The following PGD variants were observed in gnomAD, a reference collection of about 807,000 sequenced individuals.
PGD encodes the protein 6-phosphogluconate dehydrogenase, decarboxylating.
A neutral mutation model predicts 60.4 loss-of-function variants in PGD; 21 were observed. The observed-to-expected ratio is 0.35, with a 90% CI of 0.25 to 0.50. The LOEUF is 0.50. PGD is among the 20% of genes least tolerant of loss of function. The pLI is 0.98. For missense variants in PGD, 477 were observed against 613.1 expected (o/e 0.78, Z 2.34); for synonymous variants, 230 against 235.9 (o/e 0.97, Z 0.23).
At chr1:10,407,415 A>C (rs543275885) in intron 5 of PGD, among the ~76,000 whole-genome samples, 26 of 152,206 alleles carry the variant, frequency 1.7e-4, no homozygotes, top group African/African-American at 5.5e-4. Context: ...GTGCCACTGC[A>C]CTCCAGCCTG....
intron 6 of PGD, among the ~76,000 whole-genome samples, chr1:10,409,699 A>G (rs1335729273): frequency 1.8e-5 from 2 of 112,346 alleles, no homozygotes; most frequent in Non-Finnish European, 3.3e-5. Context: ...TTTATCGTCC[A>G]GGCTGGAGTG....
Position 10,400,403 on chromosome 1 carries a change from T to G in PGD, c.95T>G (p.Phe32Cys). Reference sequence around the variant, plus strand: ...CTTTTGTCCTTCTAGGTCTGTGCTTTTAATAGGACTGTCTCCAAAGTTGAT... The same window carrying G: ...CTTTTGTCCTTCTAGGTCTGTGCTTGTAATAGGACTGTCTCCAAAGTTGAT... ...MNDHGFVVCA[F>C]NRTVSKVDDF... Residue 32 changes from phenylalanine to cysteine, a missense_variant, in exon 3 of 13, where the codon TTT becomes TGT. Physicochemically the swap from Phe to Cys is radical, Grantham distance 205. This residue lies in a region of PGD where 431 missense variants were observed against 556.6 expected (regional missense o/e 0.77). Transcript: ENST00000270776. 6.2e-7 allele frequency: 1 copy of G among 1,613,082 alleles called. No homozygotes were observed.
In PGD at chr1:10,408,076, A is replaced by C; in HGVS notation, c.455A>C (p.His152Pro). 1.3e-6 allele frequency: 2 copies of C among 1,598,540 alleles called. No homozygotes were observed. Among genetic ancestry groups the C allele is most frequent in the Non-Finnish European group, 8.6e-7 (1 of 1,165,786 alleles). The change falls in exon 6 of 13, where the codon CAC becomes CCC. Residue 152 changes from histidine (H) to proline (P), a missense_variant. His to Pro is a moderately conservative substitution (Grantham distance 77). Transcript: ENST00000270776. ...MPGGNKEAWP[H>P]IKTIFQGIAA... ...CACACTGTTTCTTTACACAGGCCCC[A>C]CATCAAGACCATCTTCCAAGGCATT...
At chr1:10,406,376 C>G (rs77420507) in intron 5 of PGD, among the ~76,000 whole-genome samples, 1,798 of 151,764 alleles carry the variant, frequency 0.012, 38 homozygotes, top group African/African-American at 0.041. Flanking sequence ...ATAGCAAGAC[C>G]CTGTTTCTTA....
At chr1:10,418,081 T>C (rs979298499) in intron 10 of PGD, among the ~76,000 whole-genome samples, 1 of 133,746 alleles carries the variant, frequency 7.5e-6, no homozygotes, top group African/African-American at 2.8e-5. Flanking sequence ...TGGCCTTGCC[T>C]CTTGGGAATT....
chr1:10,410,994 A>T (rs1050979489), intron 6 of PGD, among the ~76,000 whole-genome samples: 2 of 152,122 alleles, frequency 1.3e-5, no homozygotes, highest in Non-Finnish European at 2.9e-5. Flanking sequence ...TTGAAAAAAA[A>T]CAAGTGATTT....
intron 7 of PGD, chr1:10,412,696 A>T: frequency 5.2e-6 from 1 of 191,952 alleles, no homozygotes; most frequent in Non-Finnish European, 1.1e-5. Flanking sequence ...ACAGAAATAA[A>T]TATACAATAT....
At position 10,418,840 on chromosome 1, in the gene PGD, A is replaced by G. The variant is rs201124379; in HGVS notation, c.1124A>G (p.Lys375Arg). ...GATTATTTCAGTGTATTCCTAGGAA[A>G]GATAAAGGATGCATTTGATCGAAAC... is the stretch of plus-strand genomic sequence containing the variant. ...GCIIRSVFLG[K>R]IKDAFDRNPE... Residue 375 changes from lysine (K) to arginine (R), a missense_variant, in exon 11 of 13, where the codon AAG becomes AGG. Lys to Arg is a conservative substitution (Grantham distance 26). This residue lies in a region of PGD where 431 missense variants were observed against 556.6 expected (regional missense o/e 0.77). Transcript: ENST00000270776. 614 of 1,592,790 alleles carry G rather than the reference A, an allele frequency of 3.9e-4. No individual in the cohort carries two copies. Among genetic ancestry groups the G allele is most frequent in the Admixed American group, 6.5e-4 (39 of 59,816 alleles).
Position 10,399,501 on chromosome 1 carries a change from G to T in PGD, c.9-128G>T, listed in dbSNP as rs539934075. ...GCAGCGTGCGCGCCCGGCTTCTGGG[G>T]GCCCGCGGGAGGCGCGGAGGAAAGT... is the stretch of plus-strand genomic sequence containing the variant. On this transcript the variant is annotated intron_variant, in intron 1 of 12. Transcript: ENST00000270776. 95 of 854,656 alleles carry T rather than the reference G, an allele frequency of 1.1e-4. No homozygotes were observed. The African/African-American group carries it at 1.5e-3, about 14-fold the overall frequency. The allele number at this position is 854,656 out of a possible 1,614,324, so 52.9% of individuals were successfully genotyped here.
In PGD at chr1:10,413,105, T is replaced by C; in HGVS notation, c.698T>C (p.Ile233Thr). 1.9e-6 allele frequency: 3 copies of C among 1,614,168 alleles called. No individual in the cohort carries two copies. Residue 233 changes from isoleucine (I) to threonine (T), a missense_variant, in exon 8 of 13, where the codon ATT becomes ACT. Transcript: ENST00000270776. ...AAGACAGAGCTAGACTCATTCCTGATTGAAATCACAGCCAATATTCTCAAG... is the reference window on the plus strand; with the variant it reads ...AAGACAGAGCTAGACTCATTCCTGACTGAAATCACAGCCAATATTCTCAAG... ...WNKTELDSFL[I>T]EITANILKFQ...
At position 10,411,581 on chromosome 1, in the gene PGD, G is replaced by A. The variant is rs368083933; in HGVS notation, c.654+29G>A. On this transcript the variant is annotated intron_variant, in intron 7 of 12. Transcript: ENST00000270776. ...AGGCCCCGGCACTGCCTCTGTGTCC[G>A]TTCTGCAGGGAGTGCTCACTTTGCC... is the stretch of plus-strand genomic sequence containing the variant. The A allele has an allele frequency of 2.0e-5, 32 of 1,613,006 alleles. No homozygotes were observed. The African/African-American group carries it at 2.9e-4, about 15-fold the overall frequency.
Position 10,401,812 on chromosome 1 carries a change from G to A in PGD, c.264+1240G>A, listed in dbSNP as rs575042521. Among the ~76,000 whole-genome samples the A allele has an allele frequency of 6.7e-3, 1,012 of 152,100 alleles. 9 individuals carry two copies. The highest frequency in any genetic ancestry group is 0.011 in the Non-Finnish European group (723 of 67,978). On this transcript the variant is annotated intron_variant, in intron 3 of 12. Coordinates refer to ENST00000270776, the MANE Select transcript of PGD (RefSeq NM_002631.4). ...GGGTGGATCATGAGGTCAGGAGATCGAGACCATCCTAGCTAACACGGTGAA... is the reference window on the plus strand; with the variant it reads ...GGGTGGATCATGAGGTCAGGAGATCAAGACCATCCTAGCTAACACGGTGAA...
chr1:10,404,021 C>T, intron 4 of PGD, 140 bp from the exon 5 acceptor site: 1 of 655,570 alleles, frequency 1.5e-6, no homozygotes, highest in Admixed American at 2.6e-5. Context: ...ATCCTTGGGT[C>T]ATTTCCTGTA....
chr1:10,417,514 G>C lies in PGD; in HGVS notation c.1109+5G>C. The C allele has an allele frequency of 6.2e-7, 1 of 1,605,862 alleles. No individual in the cohort carries two copies. Among genetic ancestry groups the C allele is most frequent in the Middle Eastern group, 1.7e-4 (1 of 6,008 alleles). ...AGGGGGCTGCATCATTAGAAGGTAA[G>C]TGAGAGGCAGCCCAGGGTCCGACGG... On this transcript the variant is annotated splice_donor_5th_base_variant and intron_variant, in intron 10 of 12. Transcript: ENST00000270776.
At chr1:10,399,758 G>A (rs1639283321) in intron 2 of PGD, 54 bp downstream of exon 2, 4 of 1,490,918 alleles carry the variant, frequency 2.7e-6, no homozygotes, top group Non-Finnish European at 3.7e-6. Flanking sequence ...CTTTAGCCGA[G>A]GCCGGCGATA....
intron 10 of PGD, among the ~76,000 whole-genome samples, chr1:10,417,778 T>C (rs1032697865): frequency 6.6e-6 from 1 of 152,202 alleles, no homozygotes; most frequent in African/African-American, 2.4e-5. Flanking sequence ...GATGCGATCT[T>C]GACTCACTGC....
chr1:10,408,983 G>C (rs948705702), intron 6 of PGD, among the ~76,000 whole-genome samples: 2 of 152,122 alleles, frequency 1.3e-5, no homozygotes, highest in African/African-American at 4.8e-5. Flanking sequence ...AAAGCATTAG[G>C]CTCAGGAGAC....
intron 6 of PGD, among the ~76,000 whole-genome samples, chr1:10,409,259 C>T (rs1289340262): frequency 6.6e-6 from 1 of 152,198 alleles, no homozygotes; most frequent in African/African-American, 2.4e-5. Flanking sequence ...CCCTCCTAGG[C>T]CTGCCAGTGC....
intron 7 of PGD, 82 bp downstream of exon 7, chr1:10,411,634 T>C: frequency 1.9e-6 from 3 of 1,548,716 alleles, no homozygotes; most frequent in Non-Finnish European, 2.6e-6. Context: ...TCTTCATTCC[T>C]ATCCCCTTGG....
Sources: gnomAD v4.1 joint callset for allele counts (sites outside exome capture counted in the v4.1 genomes callset) on GRCh38, gnomAD v4.1.1 for gene constraint, gnomAD v4.1.1 regional missense constraint, MANE v1.5 for transcripts, NCBI Gene and HGNC (gene_info 2026-07-23, HGNC 2026-07-21) for gene names.